The following IRAK4 variants were observed in gnomAD, a reference collection of about 807,000 sequenced individuals.
IRAK4 encodes interleukin-1 receptor-associated kinase 4.
Under a neutral mutation model 51.8 loss-of-function variants are expected in IRAK4, and 44 were observed. That is an observed-to-expected ratio of 0.85 (90% confidence interval 0.67 to 1.09). IRAK4 has a LOEUF of 1.09. Ranked by LOEUF, IRAK4 falls within the 50% of genes least tolerant of loss-of-function variation. The pLI is 0.00. For missense variants in IRAK4, 487 were observed against 538.0 expected (o/e 0.91, Z 0.94); for synonymous variants, 149 against 174.1 (o/e 0.86, Z 1.13).
chr12:43,785,638 T>TATTTA (rs1555171314), intron 10 of IRAK4, among the ~76,000 whole-genome samples: 7 of 145,446 alleles, frequency 4.8e-5, no homozygotes, highest in African/African-American at 1.8e-4. Flanking sequence ...ATATATATAT[T>TATTTA]TATATATATA....
intron 8 of IRAK4, among the ~76,000 whole-genome samples, chr12:43,779,072 T>C (rs1193481196): frequency 6.6e-6 from 1 of 152,124 alleles, no homozygotes; most frequent in Non-Finnish European, 1.5e-5. Context: ...GACCTGACTA[T>C]GTTCCCTGAA....
chr12:43,760,342 G>A (rs1939382626), intron 1 of IRAK4, among the ~76,000 whole-genome samples: 1 of 152,156 alleles, frequency 6.6e-6, no homozygotes, highest in Admixed American at 6.6e-5. Context: ...TCTCCTAAAT[G>A]CTTCTTTCTT....
At position 43,782,312 on chromosome 12, in the gene IRAK4, A is replaced by G; in HGVS notation, c.947A>G (p.Asn316Ser). 6.2e-7 allele frequency: 1 copy of G among 1,612,214 alleles called. No individual in the cohort carries two copies. Among genetic ancestry groups the G allele is most frequent in the Non-Finnish European group, 8.5e-7 (1 of 1,178,342 alleles). Residue 316 changes from asparagine to serine, a missense_variant, in exon 9 of 12, where the codon AAT becomes AGT. Coordinates refer to ENST00000613694, the MANE Select transcript of IRAK4 (RefSeq NM_016123.4). ...AAACTTTACATTTTTTTCAGTGCAA[A>G]TATCTTACTGGATGAAGCTTTTACT... ...HHIHRDIKSANILLDEAFTAK... is the reference protein window; with the variant it reads ...HHIHRDIKSASILLDEAFTAK...
chr12:43,774,775 T>G (rs1369260154), intron 6 of IRAK4, among the ~76,000 whole-genome samples: 1 of 152,230 alleles, frequency 6.6e-6, no homozygotes, highest in Non-Finnish European at 1.5e-5. Flanking sequence ...GGAAAATTGT[T>G]GGACATCATC....
At chr12:43,782,604 G>A in intron 9 of IRAK4, 114 bp downstream of exon 9, 1 of 881,768 alleles carries the variant, frequency 1.1e-6, no homozygotes, top group African/African-American at 1.7e-5. Context: ...AACAATATAA[G>A]TTTTTCACAT....
At chr12:43,776,956 A>G (rs1451866287) in intron 6 of IRAK4, among the ~76,000 whole-genome samples, 1 of 152,252 alleles carries the variant, frequency 6.6e-6, no homozygotes, top group Non-Finnish European at 1.5e-5. Flanking sequence ...CAGTATTAGC[A>G]TAAAAATTCA....
chr12:43,774,443 T>G (rs970873210), intron 6 of IRAK4, among the ~76,000 whole-genome samples: 3 of 152,072 alleles, frequency 2.0e-5, no homozygotes, highest in African/African-American at 7.2e-5. Context: ...GAGACGGGGT[T>G]TCACCGTGTT....
At chr12:43,776,292 CTTAAG>C (rs1941266354) in intron 6 of IRAK4, among the ~76,000 whole-genome samples, 1 of 152,126 alleles carries the variant, frequency 6.6e-6, no homozygotes, top group South Asian at 2.1e-4. Context: ...ATAGTACTTA[CTTAAG>C]TTATTGTGAG....
At chr12:43,786,290 T>C (rs993645287) in intron 10 of IRAK4, 109 bp from the exon 11 acceptor site, 1 of 684,520 alleles carries the variant, frequency 1.5e-6, no homozygotes, top group Admixed American at 4.0e-5. Context: ...GATAGTAAAA[T>C]GAGAGCACAT....
chr12:43,768,763 T>C (rs4251459), intron 2 of IRAK4, among the ~76,000 whole-genome samples: 35,233 of 152,166 alleles, frequency 0.23, 6,510 homozygotes, highest in African/African-American at 0.52. Flanking sequence ...AAATCTTAGC[T>C]AGGATTTCTC....
At chr12:43,785,160 T>C (rs571811131) in intron 10 of IRAK4, among the ~76,000 whole-genome samples, 1 of 152,292 alleles carries the variant, frequency 6.6e-6, no homozygotes, top group East Asian at 1.9e-4. Flanking sequence ...TAATCTGGAA[T>C]GATCTCATCT....
intron 1 of IRAK4, among the ~76,000 whole-genome samples, chr12:43,761,545 T>A (rs999007277): frequency 2.0e-5 from 3 of 152,196 alleles, no homozygotes; most frequent in African/African-American, 7.2e-5. Flanking sequence ...ACAGCAATTC[T>A]TAGGTATTAC....
chr12:43,769,936 C>A (rs928373531), intron 2 of IRAK4, among the ~76,000 whole-genome samples: 1 of 152,064 alleles, frequency 6.6e-6, no homozygotes, highest in Non-Finnish European at 1.5e-5. Flanking sequence ...ACATCTGGCC[C>A]GTATTCTAAA....
intron 1 of IRAK4, among the ~76,000 whole-genome samples, chr12:43,765,640 A>G (rs1208948173): frequency 6.6e-6 from 1 of 151,998 alleles, no homozygotes; most frequent in African/African-American, 2.4e-5. Context: ...CAAAAAAAAA[A>G]AAATTGAAAT....
intron 8 of IRAK4, among the ~76,000 whole-genome samples, chr12:43,778,746 A>G (rs554484873): frequency 1.3e-5 from 2 of 152,068 alleles, no homozygotes; most frequent in South Asian, 2.1e-4. Context: ...CAAAATAATT[A>G]TAGAATGTTA....
intron 1 of IRAK4, among the ~76,000 whole-genome samples, chr12:43,759,820 A>G (rs1456125327): frequency 1.3e-5 from 2 of 150,126 alleles, no homozygotes; most frequent in Non-Finnish European, 3.0e-5. Flanking sequence ...GTGAGCCGAG[A>G]TCGTGCCACT....
At chr12:43,778,456 ATCTCC>A (rs766113115) in intron 8 of IRAK4, among the ~76,000 whole-genome samples, 154 bp downstream of exon 8, 1 of 152,110 alleles carries the variant, frequency 6.6e-6, no homozygotes, top group Non-Finnish European at 1.5e-5. Flanking sequence ...GACATCTATA[ATCTCC>A]TTTATTCCAA....
chr12:43,765,497 T>C (rs1281422356), intron 1 of IRAK4, among the ~76,000 whole-genome samples: 1 of 152,182 alleles, frequency 6.6e-6, no homozygotes, highest in Non-Finnish European at 1.5e-5. Context: ...GTTCTTGCTT[T>C]AGTTTTAGCA....
chr12:43,777,629 G>A lies in IRAK4; in HGVS notation c.717-1G>A. 1.2e-6 allele frequency: 2 copies of A among 1,601,546 alleles called. No homozygotes were observed. Among genetic ancestry groups the A allele is most frequent in the Non-Finnish European group, 1.7e-6 (2 of 1,173,556 alleles). On this transcript the variant is annotated splice_acceptor_variant, in intron 6 of 11. Transcript: ENST00000613694. LOFTEE classifies it high-confidence loss of function. ...TTTGCATGAAAAATTATTTGTCACA[G>A]GTGTCAACATGAAAACTTAGTAGAA...
Sources: allele counts gnomAD v4.1 joint callset (sites outside exome capture counted in the v4.1 genomes callset), GRCh38; gene constraint gnomAD v4.1.1; transcripts MANE v1.5; gene names NCBI Gene and HGNC (gene_info 2026-07-23, HGNC 2026-07-21).